Variants in SLC30A9 observed in about 807,000 individuals in gnomAD.
The protein encoded by SLC30A9 is proton-coupled zinc antiporter SLC30A9, mitochondrial.
A neutral mutation model predicts 87.5 loss-of-function variants in SLC30A9; 58 were observed. That is an observed-to-expected ratio of 0.66 (90% confidence interval 0.54 to 0.82). The LOEUF (loss-of-function observed/expected upper bound fraction) is 0.82, where lower values mean the gene tolerates loss of function less well. Among genes scored for constraint, SLC30A9 ranks in the 40% least tolerant of loss-of-function variants. The pLI is 0.00. For synonymous variants in SLC30A9, 234 were observed against 233.0 expected, an observed-to-expected ratio of 1.00 and a Z score of -0.04; for missense variants, 557 against 679.1, an observed-to-expected ratio of 0.82 and a Z score of 2.00.
intron 10 of SLC30A9, 31 bp from the exon 11 acceptor site, chr4:42,062,955 C>T: frequency 1.3e-6 from 2 of 1,593,516 alleles, no homozygotes; most frequent in Non-Finnish European, 1.7e-6. Flanking sequence ...ATTTGTATTT[C>T]TTGCGAACTA....
intron 17 of SLC30A9, chr4:42,078,599 T>G (rs902170902): frequency 4.1e-5 from 8 of 194,038 alleles, no homozygotes; most frequent in Non-Finnish European, 8.4e-5. Context: ...TCAAAGGGGG[T>G]TTTTTTGTTT....
chr4:42,024,224 G>T (rs1187411149), intron 6 of SLC30A9, among the ~76,000 whole-genome samples: 1 of 152,200 alleles, frequency 6.6e-6, no homozygotes, highest in Non-Finnish European at 1.5e-5. Context: ...GGTGGCACAT[G>T]TCTATAGTCC....
chr4:42,023,523 G>A (rs1208475185), intron 6 of SLC30A9, 139 bp downstream of exon 6: 9 of 565,364 alleles, frequency 1.6e-5, no homozygotes, highest in Non-Finnish European at 2.5e-5. Flanking sequence ...TTCCGTTTTG[G>A]GATTCAATTA....
intron 8 of SLC30A9, among the ~76,000 whole-genome samples, chr4:42,044,990 A>G (rs1717085684): frequency 6.6e-6 from 1 of 152,244 alleles, no homozygotes; most frequent in Non-Finnish European, 1.5e-5. Flanking sequence ...TAAGGCAGAA[A>G]TAAATAAGTT....
In SLC30A9 at chr4:42,073,628, T is replaced by TCA. The variant is rs558264524; in HGVS notation, c.1419-2028_1419-2027insAC. 4.1e-3 allele frequency among the ~76,000 whole-genome samples: 623 copies of TCA among 152,340 alleles called. 3 individuals are homozygous for TCA. Among genetic ancestry groups the TCA allele is most frequent in the Non-Finnish European group, 6.6e-3 (448 of 68,026 alleles). The stretch of plus-strand genomic sequence containing the variant: ...GGTGTTGACTGGGATTATAGTCATC[T>TCA]CCTGGGGAAGGGGCTGCTTCTAACC... On this transcript the variant is annotated intron_variant, in intron 15 of 17. Coordinates refer to ENST00000264451, the MANE Select transcript of SLC30A9 (RefSeq NM_006345.4).
intron 11 of SLC30A9, among the ~76,000 whole-genome samples, chr4:42,064,457 C>T (rs764414252): frequency 2.0e-5 from 3 of 152,162 alleles, no homozygotes; most frequent in African/African-American, 4.8e-5. Context: ...TTAAACTAGG[C>T]TTATTTGTTA....
chr4:42,023,178 T>G, intron 5 of SLC30A9, 124 bp from the exon 6 acceptor site: 1 of 749,558 alleles, frequency 1.3e-6, no homozygotes. Context: ...CCTAAGTCCT[T>G]TATGTTTCTC....
At chr4:42,022,375 G>T (rs531046277) in intron 4 of SLC30A9, among the ~76,000 whole-genome samples, 1 of 151,408 alleles carries the variant, frequency 6.6e-6, no homozygotes, top group South Asian at 2.1e-4. Context: ...TTACAGGCAG[G>T]CACCACCAAA....
intron 9 of SLC30A9, among the ~76,000 whole-genome samples, chr4:42,051,135 G>A (rs368502697): frequency 1.2e-4 from 19 of 152,278 alleles, no homozygotes; most frequent in African/African-American, 4.1e-4. Context: ...ACTAGCTGAC[G>A]TAAGAGAGTT....
intron 9 of SLC30A9, among the ~76,000 whole-genome samples, chr4:42,051,503 A>C (rs1014879856): frequency 2.0e-5 from 3 of 152,234 alleles, no homozygotes; most frequent in Non-Finnish European, 4.4e-5. Context: ...TATTTCAAGT[A>C]CAGTCATGTA....
At chr4:42,029,257 T>C in intron 6 of SLC30A9, 2 of 461,750 alleles carry the variant, frequency 4.3e-6, no homozygotes, top group South Asian at 3.6e-5. Context: ...GAAATTCTTC[T>C]GGAACTCAGA....
chr4:41,996,048 T>G (rs1163882158), intron 1 of SLC30A9, among the ~76,000 whole-genome samples: 2 of 151,574 alleles, frequency 1.3e-5, no homozygotes, highest in East Asian at 2.0e-4. Context: ...AAACCTGTTG[T>G]GTCTAGGGTA....
intron 2 of SLC30A9, among the ~76,000 whole-genome samples, chr4:42,003,229 T>G (rs1715061191): frequency 6.6e-6 from 1 of 152,176 alleles, no homozygotes. Context: ...GAGTGTAACA[T>G]TTTAGTTTAG....
At chr4:42,047,389 A>G (rs1389987545) in intron 8 of SLC30A9, among the ~76,000 whole-genome samples, 1 of 152,190 alleles carries the variant, frequency 6.6e-6, no homozygotes, top group Non-Finnish European at 1.5e-5. Context: ...TACAAGAAAA[A>G]CAAACAACTG....
intron 17 of SLC30A9, among the ~76,000 whole-genome samples, chr4:42,085,250 T>C (rs1718883166): frequency 6.6e-6 from 1 of 152,202 alleles, no homozygotes; most frequent in Admixed American, 6.5e-5. Context: ...ATTTTCTAGA[T>C]CTCATGAGCA....
At chr4:42,001,281 T>TC (rs1377688594) in intron 1 of SLC30A9, among the ~76,000 whole-genome samples, 1 of 152,032 alleles carries the variant, frequency 6.6e-6, no homozygotes, top group African/African-American at 2.4e-5. Context: ...TTCCTGACCT[T>TC]CCCTCCCAGA....
intron 14 of SLC30A9, among the ~76,000 whole-genome samples, chr4:42,067,463 T>C (rs1221126158): frequency 6.6e-6 from 1 of 152,184 alleles, no homozygotes; most frequent in African/African-American, 2.4e-5. Context: ...ACTTAAAAAA[T>C]TGTGCAATCA....
chr4:42,030,542 CAAGGTGTAAA>C (rs1179084737), intron 6 of SLC30A9, among the ~76,000 whole-genome samples: 2 of 149,532 alleles, frequency 1.3e-5, no homozygotes, highest in Non-Finnish European at 3.0e-5. Context: ...TTTTGCTGTC[CAAGGTGTAAA>C]TATTCAATGG....
chr4:42,009,211 A>G (rs1715339888), intron 2 of SLC30A9, among the ~76,000 whole-genome samples: 1 of 152,210 alleles, frequency 6.6e-6, no homozygotes, highest in African/African-American at 2.4e-5. Context: ...TATATTAGAA[A>G]TACATTGTTT....
Sources: allele counts gnomAD v4.1 joint callset (sites outside exome capture counted in the v4.1 genomes callset), GRCh38; gene constraint gnomAD v4.1.1; transcripts MANE v1.5; gene names NCBI Gene and HGNC (gene_info 2026-07-23, HGNC 2026-07-21).